PCDH9: variants seen among roughly 807,000 people sequenced by gnomAD.
PCDH9 encodes the protein protocadherin 9, also known as protocadherin-9.
Under a neutral mutation model 70.6 loss-of-function variants are expected in PCDH9, and 24 were observed. That is an observed-to-expected ratio of 0.34 (90% CI 0.25 to 0.48). The LOEUF (loss-of-function observed/expected upper bound fraction) is 0.48, where lower values mean the gene tolerates loss of function less well. Among genes scored for constraint, PCDH9 ranks in the 20% least tolerant of loss-of-function variants. The pLI is 0.99. For missense variants in PCDH9, 1,281 were observed against 1,503.6 expected, an observed-to-expected ratio of 0.85 and a Z score of 2.45; for synonymous variants, 562 against 558.5, an observed-to-expected ratio of 1.01 and a Z score of -0.09.
chr13:67,212,572 G>A (rs533754208), intron 2 of PCDH9: 1 of 152,276 alleles, frequency 6.6e-6, no homozygotes, highest in African/African-American at 2.4e-5. Flanking sequence ...TGGATCATAT[G>A]ACAAGGTCTT....
At chr13:66,559,833 TACACACACAC>T (rs56660850) in intron 4 of PCDH9, among the ~76,000 whole-genome samples, 1 of 87,100 alleles carries the variant, frequency 1.1e-5, no homozygotes, top group East Asian at 3.9e-4. Flanking sequence ...TATATATATA[TACACACACAC>T]ACACACACAC....
At chr13:66,582,023 C>T (rs988805953) in intron 4 of PCDH9, among the ~76,000 whole-genome samples, 1 of 152,068 alleles carries the variant, frequency 6.6e-6, no homozygotes, top group Non-Finnish European at 1.5e-5. Flanking sequence ...ATGAGAATCC[C>T]ATACTTCATG....
At chr13:66,645,142 G>A (rs2077754884) in intron 3 of PCDH9, among the ~76,000 whole-genome samples, 1 of 152,062 alleles carries the variant, frequency 6.6e-6, no homozygotes, top group Admixed American at 6.5e-5. Context: ...ATCTAGAAGA[G>A]TTTCATCAGA....
intron 2 of PCDH9, among the ~76,000 whole-genome samples, chr13:66,959,302 TAACA>T (rs2083308998): frequency 6.6e-6 from 1 of 152,116 alleles, no homozygotes; most frequent in African/African-American, 2.4e-5. Context: ...ATTTAAAAAA[TAACA>T]AACAACATTC....
intron 2 of PCDH9, chr13:67,223,326 G>A (rs567607549): frequency 6.6e-6 from 1 of 152,146 alleles, no homozygotes; most frequent in East Asian, 1.9e-4. Flanking sequence ...TTTTGGGGAG[G>A]TCAGAAAAAG....
intron 3 of PCDH9, among the ~76,000 whole-genome samples, chr13:66,802,349 G>A (rs916374289): frequency 6.6e-6 from 1 of 151,948 alleles, no homozygotes; most frequent in East Asian, 1.9e-4. Flanking sequence ...ATTCATACAG[G>A]ATAGTTAAAA....
At chr13:67,057,306 T>G (rs1371418999) in intron 2 of PCDH9, among the ~76,000 whole-genome samples, 1 of 151,830 alleles carries the variant, frequency 6.6e-6, no homozygotes, top group Non-Finnish European at 1.5e-5. Flanking sequence ...CTTAATCTGA[T>G]TAACATGAGC....
rs181265403 is a variant in PCDH9, at chr13:67,157,103, C to G, written c.3036+68302G>C. ...ATCTTTTCGGTAATCCCCTGTATCC[C>G]TGATGCTTCGATCAATGCCTAACAT... On this transcript the variant is annotated intron_variant, in intron 2 of 4. Transcript: ENST00000377865. Among the ~76,000 whole-genome samples the G allele has an allele frequency of 2.0e-5, 3 of 152,246 alleles. 1 individual carries two copies. The South Asian group carries it at 6.2e-4, about 32-fold the overall frequency.
At chr13:66,784,186 C>A (rs1302366133) in intron 3 of PCDH9, among the ~76,000 whole-genome samples, 1 of 152,082 alleles carries the variant, frequency 6.6e-6, no homozygotes, top group Non-Finnish European at 1.5e-5. Context: ...AGGTACATTG[C>A]CACCAGATGT....
intron 4 of PCDH9, among the ~76,000 whole-genome samples, chr13:66,533,443 T>C (rs1487925979): frequency 6.6e-6 from 1 of 152,086 alleles, no homozygotes; most frequent in Non-Finnish European, 1.5e-5. Flanking sequence ...AAACTATTTG[T>C]AGATCATCAT....
At chr13:66,591,764 C>T (rs537912936) in intron 4 of PCDH9, among the ~76,000 whole-genome samples, 1 of 151,320 alleles carries the variant, frequency 6.6e-6, no homozygotes, top group South Asian at 2.1e-4. Flanking sequence ...GTATAAAATT[C>T]TAAGAGTTTA....
chr13:67,030,500 A>G (rs973507327), intron 2 of PCDH9, among the ~76,000 whole-genome samples: 7 of 142,944 alleles, frequency 4.9e-5, no homozygotes, highest in African/African-American at 1.9e-4. Context: ...GACCCCCACC[A>G]ACACACACAC....
chr13:66,542,862 A>G (rs1265476734), intron 4 of PCDH9, among the ~76,000 whole-genome samples: 5 of 149,672 alleles, frequency 3.3e-5, no homozygotes, highest in African/African-American at 1.2e-4. Flanking sequence ...TACAACTATT[A>G]TGTATCTATC....
intron 3 of PCDH9, among the ~76,000 whole-genome samples, chr13:66,793,223 A>G (rs890618781): frequency 6.6e-6 from 1 of 152,152 alleles, no homozygotes; most frequent in Admixed American, 6.5e-5. Context: ...CAACTCACTA[A>G]GCACTCCTCT....
chr13:66,307,016 G>A (rs142678237), intron 4 of PCDH9, among the ~76,000 whole-genome samples: 1 of 151,874 alleles, frequency 6.6e-6, no homozygotes, highest in Non-Finnish European at 1.5e-5. Flanking sequence ...TTTAATTACT[G>A]ACCTCTTCAA....
chr13:67,019,209 T>TC (rs1555297780), intron 2 of PCDH9, among the ~76,000 whole-genome samples: 1 of 145,058 alleles, frequency 6.9e-6, no homozygotes, highest in Middle Eastern at 3.6e-3. Flanking sequence ...TTTTTTTTTT[T>TC]CTGAGATGGA....
At chr13:66,314,071 T>C (rs535736327) in intron 4 of PCDH9, among the ~76,000 whole-genome samples, 1 of 152,284 alleles carries the variant, frequency 6.6e-6, no homozygotes, top group African/African-American at 2.4e-5. Flanking sequence ...TGTATATGAG[T>C]CACCTAGGAA....
At chr13:67,141,794 A>T (rs181277498) in intron 2 of PCDH9, among the ~76,000 whole-genome samples, 76 of 151,714 alleles carry the variant, frequency 5.0e-4, no homozygotes, top group African/African-American at 1.8e-3. Context: ...GTGATGTATC[A>T]GTATTGTATT....
chr13:66,957,874 A>C (rs1281289583), intron 2 of PCDH9, among the ~76,000 whole-genome samples: 1 of 152,228 alleles, frequency 6.6e-6, no homozygotes, highest in Non-Finnish European at 1.5e-5. Flanking sequence ...TTGTTTTGGT[A>C]TCTTGAGGTA....
Sources: gnomAD v4.1 joint callset for allele counts (sites outside exome capture counted in the v4.1 genomes callset) on GRCh38, gnomAD v4.1.1 for gene constraint, MANE v1.5 for transcripts, NCBI Gene and HGNC (gene_info 2026-07-23, HGNC 2026-07-21) for gene names.